Variants in RPL22 observed in about 807,000 individuals in gnomAD.
RPL22 encodes large ribosomal subunit protein eL22.
In RPL22, 4 loss-of-function variants were observed where a neutral mutation model predicts 16.2. The observed-to-expected ratio is 0.25, with a 90% CI of 0.12 to 0.57. RPL22 has a LOEUF of 0.57. Among genes scored for constraint, RPL22 ranks in the 20% least tolerant of loss-of-function variants. RPL22 has a pLI of 0.92. For missense variants in RPL22, 83 were observed against 156.1 expected, an observed-to-expected ratio of 0.53 and a Z score of 2.49; for synonymous variants, 43 against 54.8, an observed-to-expected ratio of 0.78 and a Z score of 0.95.
chr1:6,199,322 T>C, intron 1 of RPL22: 1 of 1,185,576 alleles, frequency 8.4e-7, no homozygotes, highest in Non-Finnish European at 1.1e-6. Flanking sequence ...CGCTAGCCCC[T>C]AGCTGGGGCC....
chr1:6,197,523 G>A (rs1384326772), intron 2 of RPL22, 129 bp downstream of exon 2: 2 of 634,672 alleles, frequency 3.2e-6, no homozygotes, highest in Non-Finnish European at 5.7e-6. Flanking sequence ...CATTCCCAGG[G>A]TGAGATGATA....
At chr1:6,197,946 C>T (rs1251864128) in intron 1 of RPL22, 190 bp from the exon 2 acceptor site, 1 of 604,032 alleles carries the variant, frequency 1.7e-6, no homozygotes, top group Admixed American at 2.9e-5. Context: ...GCAGATGCTG[C>T]TGTACAAGCT....
chr1:6,190,511 G>T (rs529885821), intron 3 of RPL22, among the ~76,000 whole-genome samples: 101 of 152,302 alleles, frequency 6.6e-4, no homozygotes, highest in African/African-American at 2.3e-3. Context: ...CTACCCAGTA[G>T]CTGGGATTAC....
intron 2 of RPL22, among the ~76,000 whole-genome samples, chr1:6,193,514 G>T (rs989536735): frequency 2.0e-5 from 3 of 152,044 alleles, no homozygotes; most frequent in Non-Finnish European, 2.9e-5. Flanking sequence ...GTAGAGACGG[G>T]GTTTCTCCAC....
At chr1:6,197,796 G>A (rs2294713) in intron 1 of RPL22, 40 bp from the exon 2 acceptor site, 651,539 of 1,407,914 alleles carry the variant, frequency 0.46, 155,088 homozygotes, top group African/African-American at 0.72. Flanking sequence ...TGAAGTTTCA[G>A]TCAGTCGGAA....
intron 3 of RPL22, among the ~76,000 whole-genome samples, chr1:6,188,876 C>T (rs891969099): frequency 2.0e-5 from 3 of 151,832 alleles, no homozygotes; most frequent in Admixed American, 6.6e-5. Flanking sequence ...ACCTCCGTCT[C>T]CCGGGTTCAA....
intron 3 of RPL22, among the ~76,000 whole-genome samples, chr1:6,189,524 T>C (rs1304822779): frequency 7.0e-6 from 1 of 143,832 alleles, no homozygotes; most frequent in East Asian, 2.0e-4. Flanking sequence ...ACCCCACTGC[T>C]CTCCAGCCTT....
In RPL22 at chr1:6,186,124, G is replaced by A. The variant is rs41278916; in HGVS notation, c.*548C>T. 9.7e-4 allele frequency: 225 copies of A among 232,722 alleles called. No homozygotes were observed. Among genetic ancestry groups the A allele is most frequent in the Non-Finnish European group, 1.6e-3 (189 of 117,894 alleles). 14.4% of individuals were successfully genotyped at this position (232,722 alleles called of 1,614,324 possible). ...CCCCTTTATGGCAGCAACACTGAAG[G>A]AGCACAGTTTCTCTCTCTAGGAAGA... On this transcript the variant is annotated 3_prime_UTR_variant, in exon 4 of 4. Coordinates refer to ENST00000234875, the MANE Select transcript of RPL22 (RefSeq NM_000983.4).
Position 6,193,137 on chromosome 1 carries a change from C to G in RPL22, c.118-83G>C, listed in dbSNP as rs115515694. 4,302 of 1,521,558 alleles carry G rather than the reference C, an allele frequency of 2.8e-3. 109 individuals are homozygous for G. The African/African-American group carries it at 0.053, about 19-fold the overall frequency. 94.3% of individuals were successfully genotyped at this position (1,521,558 alleles called of 1,614,324 possible). ...ATTTTATCTGTCTCCCAACACTGAA[C>G]TAATATCATTTTTTGTTTTGGTTTT... On this transcript the variant is annotated intron_variant, in intron 2 of 3. Transcript: ENST00000234875.
chr1:6,195,924 G>A (rs1007275143), intron 2 of RPL22, among the ~76,000 whole-genome samples: 14 of 150,096 alleles, frequency 9.3e-5, no homozygotes, highest in Non-Finnish European at 1.5e-4. Flanking sequence ...TTAGCCAGGC[G>A]TGGTGGCAGG....
At chr1:6,188,552 A>C (rs2100901658) in intron 3 of RPL22, among the ~76,000 whole-genome samples, 1 of 151,874 alleles carries the variant, frequency 6.6e-6, no homozygotes, top group Middle Eastern at 3.4e-3. Context: ...TTAATTAAAA[A>C]AAAAAAAGAT....
chr1:6,197,787 G>A (rs370106403), intron 1 of RPL22, 31 bp from the exon 2 acceptor site: 7 of 1,459,272 alleles, frequency 4.8e-6, no homozygotes, highest in African/African-American at 4.2e-5. Context: ...TAACAGAGAT[G>A]AAGTTTCAGT....
chr1:6,197,876 G>C (rs1667741108), intron 1 of RPL22, 120 bp from the exon 2 acceptor site: 1 of 775,226 alleles, frequency 1.3e-6, no homozygotes, highest in East Asian at 2.7e-5. Context: ...TAACGGAAGT[G>C]TGCTCCCTTT....
At chr1:6,193,913 G>A (rs1415959219) in intron 2 of RPL22, among the ~76,000 whole-genome samples, 1 of 152,148 alleles carries the variant, frequency 6.6e-6, no homozygotes, top group Non-Finnish European at 1.5e-5. Flanking sequence ...ACACTAGACA[G>A]GAAACCCAAG....
chr1:6,197,939 G>A (rs996253436), intron 1 of RPL22, 183 bp from the exon 2 acceptor site: 16 of 611,514 alleles, frequency 2.6e-5, no homozygotes, highest in Non-Finnish European at 4.7e-5. Context: ...TAATGGGGCA[G>A]ATGCTGCTGT....
chr1:6,185,285 A>G lies in RPL22; in HGVS notation c.*1387T>C. On this transcript the variant is annotated 3_prime_UTR_variant, in exon 4 of 4. Transcript: ENST00000234875. ...AACTCAAGCCACAAACTTAGTTAAT[A>G]ATCATGGTTAAGGGACATTGCCAAA... 2.5e-6 allele frequency: 1 copy of G among 399,082 alleles called. No individual in the cohort carries two copies. The highest frequency in any genetic ancestry group is 3.6e-5 in the East Asian group (1 of 28,084). The allele number at this position is 399,082 out of a possible 1,614,324, so 24.7% of individuals were successfully genotyped here.
intron 3 of RPL22, among the ~76,000 whole-genome samples, chr1:6,188,679 A>G (rs1031810995): frequency 6.6e-6 from 1 of 152,104 alleles, no homozygotes; most frequent in Non-Finnish European, 1.5e-5. Context: ...CCCACAGCAG[A>G]GCCAATTCAT....
At chr1:6,189,889 C>G (rs1487028415) in intron 3 of RPL22, among the ~76,000 whole-genome samples, 1 of 152,148 alleles carries the variant, frequency 6.6e-6, no homozygotes, top group Non-Finnish European at 1.5e-5. Context: ...CCATTGCACT[C>G]CAGCCTAGAC....
intron 1 of RPL22, 115 bp from the exon 2 acceptor site, chr1:6,197,871 G>T: frequency 2.5e-6 from 2 of 791,690 alleles, no homozygotes; most frequent in Non-Finnish European, 4.2e-6. Context: ...AAAACTAACG[G>T]AAGTGTGCTC....
Sources: gnomAD v4.1 joint callset for allele counts (sites outside exome capture counted in the v4.1 genomes callset) on GRCh38, gnomAD v4.1.1 for gene constraint, MANE v1.5 for transcripts, NCBI Gene and HGNC (gene_info 2026-07-23, HGNC 2026-07-21) for gene names.